Variants in HPCAL1 observed in about 807,000 individuals in gnomAD.
HPCAL1 encodes hippocalcin-like protein 1.
A neutral mutation model predicts 17.1 loss-of-function variants in HPCAL1; 8 were observed. The ratio of observed to expected loss-of-function variants is 0.47; its 90% CI spans 0.27 to 0.84. The LOEUF (loss-of-function observed/expected upper bound fraction) is 0.84. HPCAL1 is among the 40% of genes least tolerant of loss of function. The pLI is 0.13. For synonymous variants in HPCAL1, 112 were observed against 111.4 expected, an observed-to-expected ratio of 1.01 and a Z score of -0.03; for missense variants, 165 against 271.1, an observed-to-expected ratio of 0.61 and a Z score of 2.75.
intron 1 of HPCAL1, among the ~76,000 whole-genome samples, chr2:10,337,848 G>T (rs1167795864): frequency 6.6e-6 from 1 of 152,182 alleles, no homozygotes; most frequent in East Asian, 1.9e-4. Flanking sequence ...TCTTAGGAAT[G>T]GTCTCTGTCA....
chr2:10,325,787 A>G (rs1316005208), intron 1 of HPCAL1, among the ~76,000 whole-genome samples: 1 of 152,234 alleles, frequency 6.6e-6, no homozygotes, highest in African/African-American at 2.4e-5. Context: ...CACCTGCTGC[A>G]GGTGTCTTTG....
chr2:10,375,794 G>T (rs1443717730), intron 1 of HPCAL1, among the ~76,000 whole-genome samples: 1 of 152,218 alleles, frequency 6.6e-6, no homozygotes, highest in Non-Finnish European at 1.5e-5. Flanking sequence ...CTCAGCAGGT[G>T]CTGGCTCCCT....
chr2:10,311,901 G>A (rs182844051), intron 1 of HPCAL1, among the ~76,000 whole-genome samples: 13 of 145,136 alleles, frequency 9.0e-5, no homozygotes, highest in South Asian at 4.5e-4. Flanking sequence ...CATTGCTGTC[G>A]CTATCATCAT....
intron 1 of HPCAL1, among the ~76,000 whole-genome samples, chr2:10,349,702 CAAAAAAAAAAAAAAAA>C (rs55897775): frequency 8.0e-4 from 42 of 52,736 alleles, no homozygotes; most frequent in African/African-American, 3.7e-3. Flanking sequence ...GACTCTGTCT[CAAAAAAAAAAAAAAAA>C]AAAAAAAAAA....
intron 1 of HPCAL1, among the ~76,000 whole-genome samples, chr2:10,308,261 T>G (rs1662746184): frequency 6.6e-6 from 1 of 152,152 alleles, no homozygotes; most frequent in Non-Finnish European, 1.5e-5. Flanking sequence ...TTTGTTTTAA[T>G]TAATACCAAG....
At position 10,377,754 on chromosome 2, in the gene HPCAL1, A is replaced by G. The variant is rs1466246366; in HGVS notation, c.-110-19081A>G. On this transcript the variant is annotated intron_variant, in intron 1 of 4. Transcript: ENST00000307845. This position sits in a 1 kb window ranked among gnomAD's most constrained non-coding sequence, Gnocchi z 5.9. ...GGTGTTCTCTTGAGGAACTGAGTCCAGTGTGAACAGTGAACACAGAAACAT... is the reference window on the plus strand; with the variant it reads ...GGTGTTCTCTTGAGGAACTGAGTCCGGTGTGAACAGTGAACACAGAAACAT... Among the ~76,000 whole-genome samples, 1 of 152,062 alleles carries G rather than the reference A, an allele frequency of 6.6e-6. No homozygotes were observed. The highest frequency in any genetic ancestry group is 6.5e-5 in the Admixed American group (1 of 15,270).
At chr2:10,371,066 G>A (rs1489300920) in intron 1 of HPCAL1, among the ~76,000 whole-genome samples, 1 of 152,174 alleles carries the variant, frequency 6.6e-6, no homozygotes, top group African/African-American at 2.4e-5. Context: ...ACCTGGCATG[G>A]AGCAAACAGA....
At position 10,395,650 on chromosome 2, in the gene HPCAL1, G is replaced by C. The variant is rs561457336; in HGVS notation, c.-110-1185G>C. ...TGAGAGAGAGAACCTTGCGTTGGGA[G>C]AAAGTAATTAGGGAGTGTGCGGTAG... On this transcript the variant is annotated intron_variant, in intron 1 of 4. Coordinates refer to ENST00000307845, the MANE Select transcript of HPCAL1 (RefSeq NM_002149.4). The surrounding 1 kb of genome is among the most constrained non-coding windows in gnomAD (Gnocchi z 4.4). 1.3e-5 allele frequency among the ~76,000 whole-genome samples: 2 copies of C among 152,336 alleles called. No homozygotes were observed. The highest frequency in any genetic ancestry group is 2.4e-5 in the African/African-American group (1 of 41,558).
At chr2:10,333,891 T>C (rs1664542886) in intron 1 of HPCAL1, among the ~76,000 whole-genome samples, 1 of 152,246 alleles carries the variant, frequency 6.6e-6, no homozygotes, top group African/African-American at 2.4e-5. Context: ...TAAAATAATG[T>C]CATCTGTGTC....
intron 2 of HPCAL1, among the ~76,000 whole-genome samples, chr2:10,410,103 C>G (rs1346001332): frequency 2.0e-5 from 3 of 152,182 alleles, no homozygotes; most frequent in Non-Finnish European, 4.4e-5. Flanking sequence ...CTGGGTCTCT[C>G]ATAAGCATTT....
intron 2 of HPCAL1, among the ~76,000 whole-genome samples, chr2:10,411,416 C>T (rs1254073940): frequency 1.3e-5 from 2 of 152,340 alleles, no homozygotes; most frequent in Non-Finnish European, 2.9e-5. Context: ...ACTTTCCCAG[C>T]TCCTAGAATC....
intron 1 of HPCAL1, among the ~76,000 whole-genome samples, chr2:10,341,198 G>A: frequency 6.6e-6 from 1 of 152,014 alleles, no homozygotes; most frequent in Non-Finnish European, 1.5e-5. Flanking sequence ...GTGCTGGGGT[G>A]CCTGTAATCC....
rs1300830299 is a variant in HPCAL1, at chr2:10,330,088, T to TC, written c.-111+26911_-111+26912insC. ...ATTTAAATCTTGGTCCTTTGATTTT[T>TC]TTTTTTTTTCCTTTTAGAGACTATG... On this transcript the variant is annotated intron_variant, in intron 1 of 4. Transcript: ENST00000307845. This position sits in a 1 kb window ranked among gnomAD's most constrained non-coding sequence, Gnocchi z 4.2. 1 of 151,964 alleles carries TC rather than the reference T, an allele frequency of 6.6e-6. No homozygotes were observed. Among genetic ancestry groups the TC allele is most frequent in the East Asian group, 1.9e-4 (1 of 5,174 alleles). The allele number at this position is 151,964 out of a possible 1,614,324, so 9.4% of individuals were successfully genotyped here.
At chr2:10,361,178 G>A (rs1055850380) in intron 1 of HPCAL1, among the ~76,000 whole-genome samples, 9 of 150,270 alleles carry the variant, frequency 6.0e-5, no homozygotes, top group African/African-American at 2.2e-4. Context: ...AGGCGAGTCC[G>A]TGGGCTCCTG....
rs1412945769 is a variant in HPCAL1, at chr2:10,395,213, T to C, written c.-110-1622T>C. 6.6e-6 allele frequency among the ~76,000 whole-genome samples: 1 copy of C among 152,228 alleles called. No homozygotes were observed. The highest frequency in any genetic ancestry group is 2.4e-5 in the African/African-American group (1 of 41,532). On this transcript the variant is annotated intron_variant, in intron 1 of 4. Coordinates refer to ENST00000307845, the MANE Select transcript of HPCAL1 (RefSeq NM_002149.4). The surrounding 1 kb of genome is among the most constrained non-coding windows in gnomAD (Gnocchi z 4.4). ...AGTGAGAATTTCTGGTGGGAAGATG[T>C]ATGACTTTGTCAGGTCTTGAATTCT...
At chr2:10,335,186 T>G (rs914098824) in intron 1 of HPCAL1, among the ~76,000 whole-genome samples, 1 of 152,216 alleles carries the variant, frequency 6.6e-6, no homozygotes, top group Non-Finnish European at 1.5e-5. Context: ...CTTAACTGAC[T>G]TGATTCTAAC....
rs111376803 is a variant in HPCAL1, at chr2:10,377,871, C to A, written c.-110-18964C>A. 7.5e-3 allele frequency among the ~76,000 whole-genome samples: 1,148 copies of A among 152,246 alleles called. 4 individuals are homozygous for A. Among genetic ancestry groups the A allele is most frequent in the Middle Eastern group, 0.034 (10 of 292 alleles). ...GGGAGGGTATTCAAGGGCGGCAAGC[C>A]ACCAAGGGGACGGGGCAGGCACAGG... On this transcript the variant is annotated intron_variant, in intron 1 of 4. Transcript: ENST00000307845. The surrounding 1 kb of genome is among the most constrained non-coding windows in gnomAD (Gnocchi z 5.9).
intron 4 of HPCAL1, chr2:10,426,441 A>C: frequency 2.5e-6 from 1 of 401,890 alleles, no homozygotes; most frequent in Non-Finnish European, 4.6e-6. Context: ...GTGTGGGGTG[A>C]TTTCTAAAAG....
chr2:10,340,482 A>G (rs2125441719), intron 1 of HPCAL1, among the ~76,000 whole-genome samples: 1 of 150,124 alleles, frequency 6.7e-6, no homozygotes, highest in South Asian at 2.1e-4. Context: ...TATCCCTCAG[A>G]TAGTAGGAAT....
Sources: gnomAD v4.1 joint callset for allele counts (sites outside exome capture counted in the v4.1 genomes callset) on GRCh38, gnomAD v4.1.1 for gene constraint, Gnocchi (gnomAD v3.1) non-coding constraint, MANE v1.5 for transcripts, NCBI Gene and HGNC (gene_info 2026-07-23, HGNC 2026-07-21) for gene names.